ADAMTS19: variants seen among roughly 807,000 people sequenced by gnomAD.
ADAMTS19 encodes A disintegrin and metalloproteinase with thrombospondin motifs 19.
In ADAMTS19, 93 loss-of-function variants were observed where a neutral mutation model predicts 153.3. That is an observed-to-expected ratio of 0.61 (90% CI 0.51 to 0.72). The LOEUF is 0.72. ADAMTS19 is among the 30% of genes least tolerant of loss of function. The pLI, the probability that ADAMTS19 is intolerant of heterozygous loss-of-function variation, is 0.00. For missense variants in ADAMTS19, 1,482 were observed against 1,552.1 expected (o/e 0.95, Z 0.76); for synonymous variants, 600 against 556.6 (o/e 1.08, Z -1.10).
At chr5:129,558,488 T>C (rs1753391127) in intron 7 of ADAMTS19, among the ~76,000 whole-genome samples, 1 of 152,120 alleles carries the variant, frequency 6.6e-6, no homozygotes, top group Admixed American at 6.5e-5. Context: ...ATAGACTATA[T>C]TACAATTCAT....
intron 7 of ADAMTS19, among the ~76,000 whole-genome samples, chr5:129,572,383 T>G (rs1207444694): frequency 6.6e-6 from 1 of 151,918 alleles, no homozygotes; most frequent in Non-Finnish European, 1.5e-5. Context: ...AAGGTAAATA[T>G]GCACTTAACA....
chr5:129,514,970 G>A (rs779817922), intron 3 of ADAMTS19, among the ~76,000 whole-genome samples: 1 of 152,172 alleles, frequency 6.6e-6, no homozygotes, highest in South Asian at 2.1e-4. Flanking sequence ...TTTGTATATG[G>A]TGAGAGATAG....
chr5:129,471,935 T>C (rs146746101), intron 2 of ADAMTS19, among the ~76,000 whole-genome samples: 52 of 152,368 alleles, frequency 3.4e-4, no homozygotes, highest in African/African-American at 1.2e-3. Flanking sequence ...TACCACATTT[T>C]CTTTATTCAG....
rs1374668993 is a variant in ADAMTS19, at chr5:129,677,653, T to C, written c.2507-2111T>C. On this transcript the variant is annotated intron_variant, in intron 16 of 22. Transcript: ENST00000274487. ...TTACCATATTCTGTCCATTTTACTC[T>C]GAAACAAATCTTGATATTTTCATCC... 2.0e-5 allele frequency among the ~76,000 whole-genome samples: 3 copies of C among 152,184 alleles called. No individual in the cohort carries two copies. The East Asian group carries it at 5.8e-4, about 29-fold the overall frequency.
At chr5:129,663,954 GCATGTGAATGCTACC>G (rs1423586089) in intron 15 of ADAMTS19, among the ~76,000 whole-genome samples, 5 of 152,064 alleles carry the variant, frequency 3.3e-5, no homozygotes, top group Admixed American at 1.3e-4. Flanking sequence ...TTTTCTGTAT[GCATGTGAATGCTACC>G]CATTCTCCAA....
intron 2 of ADAMTS19, among the ~76,000 whole-genome samples, chr5:129,472,321 A>G (rs1247336822): frequency 6.6e-6 from 1 of 152,228 alleles, no homozygotes; most frequent in Non-Finnish European, 1.5e-5. Flanking sequence ...TGAAAACAGC[A>G]GAGCTCAAGA....
intron 9 of ADAMTS19, 108 bp from the exon 10 acceptor site, chr5:129,622,090 T>G (rs1007304703): frequency 6.6e-6 from 7 of 1,061,016 alleles, no homozygotes; most frequent in Non-Finnish European, 9.8e-6. Context: ...TGGAAGAGCT[T>G]AGAGATATAT....
intron 21 of ADAMTS19, 142 bp downstream of exon 21, chr5:129,704,533 G>T (rs1180131737): frequency 1.6e-5 from 15 of 926,108 alleles, no homozygotes; most frequent in Non-Finnish European, 2.2e-5. Flanking sequence ...ATTCTGGCTG[G>T]CTGTCCATGA....
At chr5:129,717,061 A>G (rs1474836139) in intron 21 of ADAMTS19, among the ~76,000 whole-genome samples, 1 of 152,228 alleles carries the variant, frequency 6.6e-6, no homozygotes. Flanking sequence ...CTCAAAGACC[A>G]GCTGGAGTAC....
chr5:129,523,054 CAAAA>C (rs55963617), intron 3 of ADAMTS19, among the ~76,000 whole-genome samples: 1 of 105,262 alleles, frequency 9.5e-6, no homozygotes, highest in African/African-American at 3.0e-5. Flanking sequence ...GACTCCATCT[CAAAA>C]AAAAAAAAAA....
intron 7 of ADAMTS19, among the ~76,000 whole-genome samples, chr5:129,579,468 T>C (rs1031607413): frequency 6.6e-5 from 10 of 152,224 alleles, no homozygotes; most frequent in South Asian, 2.1e-4. Flanking sequence ...CAATTGTGCC[T>C]TTTGTTGCTA....
At chr5:129,626,396 T>C (rs1214598034) in intron 10 of ADAMTS19, among the ~76,000 whole-genome samples, 2 of 152,156 alleles carry the variant, frequency 1.3e-5, no homozygotes, top group African/African-American at 4.8e-5. Flanking sequence ...TATTTCCCAA[T>C]AACCTACCTG....
rs765110780 is a variant in ADAMTS19, at chr5:129,551,888, T to C, written c.1353T>C (p.Asp451=). 1 of 1,581,058 alleles carries C rather than the reference T, an allele frequency of 6.3e-7. No individual in the cohort carries two copies. The highest frequency in any genetic ancestry group is 2.3e-5 in the East Asian group (1 of 42,888). ...GGAAAGATTTCTGTGTGCACAAAGA[T>C]GAACCATGTGATACTGTTGGTAAGT... ...ITRKDFCVHK[D]EPCDTVGIAY... Residue 451 remains aspartate (D), a synonymous_variant, in exon 7 of 23, where the codon GAT becomes GAC. Transcript: ENST00000274487.
intron 17 of ADAMTS19, among the ~76,000 whole-genome samples, chr5:129,680,950 A>C (rs1235789617): frequency 6.6e-6 from 1 of 152,170 alleles, no homozygotes; most frequent in African/African-American, 2.4e-5. Context: ...TGAGTTTTCT[A>C]TCCTAATGGC....
intron 17 of ADAMTS19, 146 bp from the exon 18 acceptor site, chr5:129,683,969 TAAGAG>T (rs1242342740): frequency 4.1e-6 from 3 of 735,450 alleles, no homozygotes; most frequent in Non-Finnish European, 6.3e-6. Context: ...TAGTGTGCAT[TAAGAG>T]AAGGGTATGT....
chr5:129,721,217 G>A (rs1756993719), intron 21 of ADAMTS19, among the ~76,000 whole-genome samples: 1 of 152,074 alleles, frequency 6.6e-6, no homozygotes, highest in Non-Finnish European at 1.5e-5. Flanking sequence ...TATAAACTAT[G>A]GGAAAGAATA....
chr5:129,533,705 C>A (rs1470235813), intron 6 of ADAMTS19, among the ~76,000 whole-genome samples: 1 of 151,884 alleles, frequency 6.6e-6, no homozygotes, highest in African/African-American at 2.4e-5. Context: ...AATTTTAGAT[C>A]TTTCCTGCTT....
intron 2 of ADAMTS19, among the ~76,000 whole-genome samples, chr5:129,487,772 T>C (rs1750646881): frequency 6.6e-6 from 1 of 152,084 alleles, no homozygotes; most frequent in Non-Finnish European, 1.5e-5. Flanking sequence ...TAGTTTCAGT[T>C]TGTCTGTAGG....
chr5:129,531,668 TTC>T (rs1181333022), intron 6 of ADAMTS19, among the ~76,000 whole-genome samples: 2 of 151,932 alleles, frequency 1.3e-5, no homozygotes, highest in Non-Finnish European at 2.9e-5. Flanking sequence ...AATCTTCCCA[TTC>T]TGTCACAGGA....
Sources: gnomAD v4.1 joint callset for allele counts (sites outside exome capture counted in the v4.1 genomes callset) on GRCh38, gnomAD v4.1.1 for gene constraint, MANE v1.5 for transcripts, NCBI Gene and HGNC (gene_info 2026-07-23, HGNC 2026-07-21) for gene names.